The following FAM76A variants were observed in gnomAD, a reference collection of about 807,000 sequenced individuals.
FAM76A encodes the protein protein FAM76A.
FAM76A carries 32 observed loss-of-function variants against 46.2 expected under a neutral mutation model. That is an observed-to-expected ratio of 0.69 (90% CI 0.52 to 0.93). The LOEUF (loss-of-function observed/expected upper bound fraction) is 0.93, where lower values mean the gene tolerates loss of function less well. FAM76A is among the 40% of genes least tolerant of loss of function. The probability of loss-of-function intolerance (pLI) is 0.00; values close to 1 mark genes in which losing one functional copy is unlikely to be tolerated. For synonymous variants in FAM76A, 137 were observed against 127.0 expected (o/e 1.08, Z -0.53); for missense variants, 274 against 361.5 (o/e 0.76, Z 1.96).
chr1:27,751,190 TGCTAA>T (rs1216734936), intron 6 of FAM76A, among the ~76,000 whole-genome samples: 2 of 152,208 alleles, frequency 1.3e-5, no homozygotes, highest in Non-Finnish European at 2.9e-5. Context: ...TAAAATGACA[TGCTAA>T]TTTATTTTTC....
intron 4 of FAM76A, among the ~76,000 whole-genome samples, chr1:27,743,475 T>A (rs940550917): frequency 9.2e-5 from 14 of 151,984 alleles, no homozygotes; most frequent in Non-Finnish European, 1.0e-4. Flanking sequence ...TGTCATTTTT[T>A]AAAAAATGGC....
chr1:27,728,190 C>T (rs912892676), intron 2 of FAM76A, among the ~76,000 whole-genome samples: 8 of 152,130 alleles, frequency 5.3e-5, no homozygotes, highest in South Asian at 4.1e-4. Context: ...AAACCAATCC[C>T]ACAACAGTAA....
chr1:27,736,865 G>A (rs2088055795), intron 4 of FAM76A, among the ~76,000 whole-genome samples: 1 of 152,144 alleles, frequency 6.6e-6, no homozygotes, highest in African/African-American at 2.4e-5. Context: ...GACCTCAAGT[G>A]ATCAGCCCAC....
intron 3 of FAM76A, 76 bp downstream of exon 3, chr1:27,732,733 C>T (rs2087981155): frequency 9.3e-7 from 1 of 1,076,696 alleles, no homozygotes; most frequent in South Asian, 1.6e-5. Context: ...CCTACTAATG[C>T]CATTACAATA....
chr1:27,751,505 T>C (rs1482617824), intron 6 of FAM76A, among the ~76,000 whole-genome samples: 4 of 151,326 alleles, frequency 2.6e-5, no homozygotes, highest in Admixed American at 2.6e-4. Context: ...TTTCTTTTTT[T>C]TTTTTTTTCT....
Position 27,749,151 on chromosome 1 carries a change from A to G in FAM76A, c.596A>G (p.Asp199Gly), listed in dbSNP as rs140736240. ...SKFESITTNG[D>G]SFSPDLALDS... ...TTTGAGTCAATCACAACTAATGGAG[A>G]CAGGTGAGCCAGTTGGAGTATGTGT... Residue 199 changes from aspartate to glycine, a missense_variant, in exon 6 of 9, where the codon GAC becomes GGC. Transcript: ENST00000373954. The G allele has an allele frequency of 2.9e-4, 463 of 1,597,144 alleles. No individual in the cohort carries two copies. The highest frequency in any genetic ancestry group is 3.8e-4 in the Non-Finnish European group (450 of 1,173,862).
At chr1:27,736,796 A>G (rs1486958225) in intron 4 of FAM76A, among the ~76,000 whole-genome samples, 1 of 151,782 alleles carries the variant, frequency 6.6e-6, no homozygotes, top group Admixed American at 6.6e-5. Context: ...TATTTTTAGT[A>G]GAGATGGGGT....
intron 4 of FAM76A, among the ~76,000 whole-genome samples, chr1:27,737,580 G>A (rs555854500): frequency 1.3e-5 from 2 of 151,796 alleles, no homozygotes; most frequent in South Asian, 2.1e-4. Flanking sequence ...GGCCGGGCAC[G>A]TTGGCTCACG....
intron 3 of FAM76A, 94 bp from the exon 4 acceptor site, chr1:27,733,937 A>G (rs1024520334): frequency 8.3e-6 from 10 of 1,204,112 alleles, no homozygotes; most frequent in Admixed American, 5.1e-5. Context: ...TTGTACCATG[A>G]CTAATGAACT....
chr1:27,740,928 A>C (rs922564994), intron 4 of FAM76A, among the ~76,000 whole-genome samples: 2 of 152,044 alleles, frequency 1.3e-5, no homozygotes, highest in African/African-American at 4.8e-5. Flanking sequence ...CAGGAGCTCG[A>C]GACCAGCCTC....
At chr1:27,757,621 G>A (rs531872479) in intron 7 of FAM76A, among the ~76,000 whole-genome samples, 9 of 152,120 alleles carry the variant, frequency 5.9e-5, no homozygotes, top group Non-Finnish European at 1.2e-4. Context: ...CGCCCACCTC[G>A]GCCTCCCAAA....
chr1:27,740,894 C>T (rs769515884), intron 4 of FAM76A, among the ~76,000 whole-genome samples: 14 of 151,794 alleles, frequency 9.2e-5, no homozygotes, highest in Non-Finnish European at 1.2e-4. Context: ...TTTGGGAGGC[C>T]GAGGAGGGAG....
chr1:27,730,502 T>C (rs566099231), intron 2 of FAM76A, among the ~76,000 whole-genome samples: 5 of 151,918 alleles, frequency 3.3e-5, no homozygotes, highest in Admixed American at 1.3e-4. Flanking sequence ...TAGTTTTTCT[T>C]TGCATGTTTT....
chr1:27,757,920 T>C (rs2088441492), intron 7 of FAM76A, among the ~76,000 whole-genome samples: 1 of 150,038 alleles, frequency 6.7e-6, no homozygotes, highest in Non-Finnish European at 1.5e-5. Context: ...GAGCTTGCTG[T>C]GAGCCAAGAT....
rs1247443086 is a variant in FAM76A, at chr1:27,762,797, T to C, written c.*2216T>C. On this transcript the variant is annotated 3_prime_UTR_variant, in exon 9 of 9. Coordinates refer to ENST00000373954, the MANE Select transcript of FAM76A (RefSeq NM_152660.3). ...TTAATTTTAAGGACTGAAATTCTGT[T>C]ACATGATGTATGACAATATAAAAAC... The C allele has an allele frequency of 4.6e-5, 7 of 152,210 alleles. No homozygotes were observed. Among genetic ancestry groups the C allele is most frequent in the Admixed American group, 4.6e-4 (7 of 15,290 alleles). 9.4% of individuals were successfully genotyped at this position (152,210 alleles called of 1,614,324 possible). A position where few individuals can be genotyped will look rare whatever the true frequency, so the allele number is the denominator to read the frequency against.
rs1196622173 is a variant in FAM76A, at chr1:27,762,758, CATG to C, written c.*2178_*2180del. ...AGAAAAATTAGGGGGAAATGACAGTCATGGTGTTTTTTTTTAATTTTAAGGACT... is the reference window on the plus strand; with the variant it reads ...AGAAAAATTAGGGGGAAATGACAGTCGTGTTTTTTTTTAATTTTAAGGACT... On this transcript the variant is annotated 3_prime_UTR_variant, in exon 9 of 9. Transcript: ENST00000373954. 6.6e-6 allele frequency: 1 copy of C among 151,908 alleles called. No homozygotes were observed. Among genetic ancestry groups the C allele is most frequent in the African/African-American group, 2.4e-5 (1 of 41,350 alleles). 9.4% of individuals were successfully genotyped at this position (151,908 alleles called of 1,614,324 possible).
intron 7 of FAM76A, among the ~76,000 whole-genome samples, chr1:27,758,685 T>G (rs984679031): frequency 4.0e-5 from 6 of 149,754 alleles, no homozygotes; most frequent in Non-Finnish European, 6.0e-5. Context: ...TTTCGTTTTT[T>G]TTTTTTTTTT....
intron 6 of FAM76A, among the ~76,000 whole-genome samples, chr1:27,754,156 G>A (rs565710370): frequency 6.8e-6 from 1 of 146,728 alleles, no homozygotes; most frequent in African/African-American, 2.6e-5. Flanking sequence ...GCCCAGGCTG[G>A]AGTGCAATGG....
rs549702485 is a variant in FAM76A at position 27,746,465 on chromosome 1, G to A, written c.512+1654G>A. On this transcript the variant is annotated intron_variant, in intron 5 of 8. Transcript: ENST00000373954. ...TAGCTGGGCGCGGTGGCTCACACCC[G>A]TAATCCCAGCACTTTGGGAGGCCAA... 5.9e-5 allele frequency among the ~76,000 whole-genome samples: 9 copies of A among 152,266 alleles called. No individual in the cohort carries two copies. The East Asian group carries it at 9.6e-4, about 16-fold the overall frequency.
Sources: gnomAD v4.1 joint callset for allele counts (sites outside exome capture counted in the v4.1 genomes callset) on GRCh38, gnomAD v4.1.1 for gene constraint, MANE v1.5 for transcripts, NCBI Gene and HGNC (gene_info 2026-07-23, HGNC 2026-07-21) for gene names.